Variants in ANO2 observed in about 807,000 individuals in gnomAD.
ANO2 encodes the protein anoctamin 2.
In ANO2, 101 loss-of-function variants were observed where a neutral mutation model predicts 124.2. The observed-to-expected ratio is 0.81, with a 90% CI of 0.69 to 0.96. ANO2 has a LOEUF of 0.96. Ranked by LOEUF, ANO2 falls within the 40% of genes least tolerant of loss-of-function variation. The pLI is 0.00. For missense variants in ANO2, 1,293 were observed against 1,274.5 expected, an observed-to-expected ratio of 1.01 and a Z score of -0.22; for synonymous variants, 486 against 482.5, an observed-to-expected ratio of 1.01 and a Z score of -0.09.
At chr12:5,732,822 A>C (rs1233336467) in intron 13 of ANO2, 192 bp from the exon 14 acceptor site, 15 of 1,612,922 alleles carry the variant, frequency 9.3e-6, no homozygotes, top group Non-Finnish European at 1.2e-5. Flanking sequence ...CGTGAGGAAG[A>C]GACAAGGGAC....
intron 14 of ANO2, among the ~76,000 whole-genome samples, chr12:5,665,145 G>A (rs559509378): frequency 1.2e-3 from 183 of 152,238 alleles, no homozygotes; most frequent in African/African-American, 4.3e-3. Flanking sequence ...ACTGCAGGAT[G>A]TCTCTGCAAA....
chr12:5,656,872 A>C (rs1203735400), intron 14 of ANO2, among the ~76,000 whole-genome samples: 4 of 152,218 alleles, frequency 2.6e-5, no homozygotes, highest in Admixed American at 2.6e-4. Flanking sequence ...GCAGGTAGAA[A>C]TAAAATGGAC....
At chr12:5,722,141 A>T (rs902829323) in intron 14 of ANO2, among the ~76,000 whole-genome samples, 3 of 152,208 alleles carry the variant, frequency 2.0e-5, no homozygotes, top group Non-Finnish European at 4.4e-5. Flanking sequence ...CCTGTTCCAC[A>T]ATGATTTTGT....
intron 15 of ANO2, among the ~76,000 whole-genome samples, chr12:5,645,481 A>C (rs1458541940): frequency 2.0e-5 from 3 of 152,202 alleles, no homozygotes; most frequent in Non-Finnish European, 2.9e-5. Flanking sequence ...ATGGCATATA[A>C]AAATCATATA....
In ANO2 at chr12:5,750,396, G is replaced by A. The variant is rs574060592; in HGVS notation, c.1190+440C>T. Reference sequence around the variant, plus strand: ...AGCATTAGAGCTGCTTGCTTTCTCAGCTTGCTTTATTCTAGCATCATCTGA... The same window carrying A: ...AGCATTAGAGCTGCTTGCTTTCTCAACTTGCTTTATTCTAGCATCATCTGA... On this transcript the variant is annotated intron_variant, in intron 11 of 24. Coordinates refer to ENST00000682330, the MANE Select transcript of ANO2 (RefSeq NM_001364791.2). 5.9e-5 allele frequency among the ~76,000 whole-genome samples: 9 copies of A among 152,274 alleles called. No individual in the cohort carries two copies. The East Asian group carries it at 1.7e-3, about 29-fold the overall frequency.
intron 4 of ANO2, chr12:5,851,919 G>A (rs1460115664): frequency 2.7e-6 from 2 of 738,142 alleles, no homozygotes; most frequent in South Asian, 1.4e-5. Flanking sequence ...TACCCTGGGG[G>A]ATGGAAATCA....
chr12:5,713,331 A>G (rs140902495), intron 14 of ANO2, among the ~76,000 whole-genome samples: 4 of 152,244 alleles, frequency 2.6e-5, no homozygotes, highest in Non-Finnish European at 5.9e-5. Context: ...AATGAACCAC[A>G]TGCATTTATT....
chr12:5,650,982 G>A (rs893491967), intron 14 of ANO2, among the ~76,000 whole-genome samples: 2 of 152,214 alleles, frequency 1.3e-5, no homozygotes, highest in African/African-American at 4.8e-5. Context: ...TTTTAAAATG[G>A]AAATAACACT....
At chr12:5,680,901 C>T (rs1204986292) in intron 14 of ANO2, among the ~76,000 whole-genome samples, 1 of 152,138 alleles carries the variant, frequency 6.6e-6, no homozygotes, top group Non-Finnish European at 1.5e-5. Context: ...AGGAGGGAGA[C>T]AAGGTTAATC....
chr12:5,612,694 C>A lies in ANO2; in HGVS notation c.2049G>T (p.Lys683Asn), dbSNP rs1343827906. 3.1e-6 allele frequency: 5 copies of A among 1,613,936 alleles called. No individual in the cohort carries two copies. In the East Asian group the frequency reaches 1.1e-4, roughly 36 times the overall value. Residue 683 changes from lysine (K) to asparagine (N), a missense_variant, in exon 19 of 25, where the codon AAG becomes AAT. Physicochemically the swap from Lys to Asn is moderately conservative, Grantham distance 94. Coordinates refer to ENST00000682330, the MANE Select transcript of ANO2 (RefSeq NM_001364791.2). Reference sequence around the variant, plus strand: ...CAAAGATGTTGTTCTGGATCAACTGCTTCCCCAACATGATGATGCTGAGCT... The same window carrying A: ...CAAAGATGTTGTTCTGGATCAACTGATTCCCCAACATGATGATGCTGAGCT... ...CIQLSIIMLG[K>N]QLIQNNIFEI... is the part of the protein sequence containing the mutation.
intron 14 of ANO2, among the ~76,000 whole-genome samples, chr12:5,706,878 A>G (rs192624544): frequency 5.1e-4 from 78 of 152,378 alleles, no homozygotes; most frequent in African/African-American, 1.8e-3. Flanking sequence ...TCCCAAGGAC[A>G]TAGAGCTACT....
At chr12:5,828,968 C>G (rs1025520545) in intron 6 of ANO2, among the ~76,000 whole-genome samples, 5 of 152,220 alleles carry the variant, frequency 3.3e-5, no homozygotes, top group Non-Finnish European at 7.3e-5. Context: ...AAACTCAAGG[C>G]TCTTTTCCCC....
intron 14 of ANO2, among the ~76,000 whole-genome samples, chr12:5,697,462 TA>T (rs964216461): frequency 5.9e-5 from 9 of 151,566 alleles, no homozygotes; most frequent in African/African-American, 9.7e-5. Flanking sequence ...ATTAAAAAAT[TA>T]AAAAAAATAG....
intron 1 of ANO2, among the ~76,000 whole-genome samples, chr12:5,927,036 A>G (rs1942113009): frequency 6.6e-6 from 1 of 152,186 alleles, no homozygotes; most frequent in African/African-American, 2.4e-5. Flanking sequence ...CAGGACGTCC[A>G]TGCTGCCTCC....
chr12:5,643,918 GA>G (rs1168765030), intron 15 of ANO2, among the ~76,000 whole-genome samples: 1 of 151,992 alleles, frequency 6.6e-6, no homozygotes, highest in Non-Finnish European at 1.5e-5. Flanking sequence ...TATATGTTAA[GA>G]AAAATTCTTT....
chr12:5,796,529 TCA>T (rs1263395312), intron 10 of ANO2, among the ~76,000 whole-genome samples: 1 of 150,480 alleles, frequency 6.6e-6, no homozygotes, highest in African/African-American at 2.5e-5. Context: ...ATTCTCACAC[TCA>T]CACACACTAA....
At chr12:5,692,253 A>G (rs1324651798) in intron 14 of ANO2, among the ~76,000 whole-genome samples, 1 of 152,142 alleles carries the variant, frequency 6.6e-6, no homozygotes, top group Admixed American at 6.5e-5. Flanking sequence ...GGCACTTACC[A>G]GTGGATTAAC....
intron 14 of ANO2, among the ~76,000 whole-genome samples, chr12:5,693,546 A>C (rs1949033319): frequency 6.6e-6 from 1 of 152,096 alleles, no homozygotes; most frequent in Non-Finnish European, 1.5e-5. Context: ...AACCAGAGTG[A>C]GCATTCAGAA....
intron 7 of ANO2, among the ~76,000 whole-genome samples, chr12:5,821,816 A>G (rs1953808952): frequency 6.6e-6 from 1 of 152,186 alleles, no homozygotes; most frequent in Admixed American, 6.5e-5. Flanking sequence ...TTCCATCATC[A>G]AACGTAAGTG....
Sources: gnomAD v4.1 joint callset for allele counts (sites outside exome capture counted in the v4.1 genomes callset) on GRCh38, gnomAD v4.1.1 for gene constraint, MANE v1.5 for transcripts, NCBI Gene and HGNC (gene_info 2026-07-23, HGNC 2026-07-21) for gene names.